Variants in TUT4 observed in about 807,000 individuals in gnomAD.
TUT4 encodes terminal uridylyl transferase 4.
TUT4 carries 36 observed loss-of-function variants against 192.2 expected under a neutral mutation model. That is an observed-to-expected ratio of 0.19 (90% CI 0.14 to 0.25). The LOEUF is 0.25. TUT4 is among the 10% of genes least tolerant of loss of function. The probability of loss-of-function intolerance (pLI) is 1.00; values close to 1 mark genes in which losing one functional copy is unlikely to be tolerated. For missense variants in TUT4, 1,493 were observed against 1,957.2 expected, an observed-to-expected ratio of 0.76 and a Z score of 4.47; for synonymous variants, 618 against 666.0, an observed-to-expected ratio of 0.93 and a Z score of 1.11.
chr1:52,459,269 G>C (rs1371619677), intron 19 of TUT4, among the ~76,000 whole-genome samples: 2 of 151,498 alleles, frequency 1.3e-5, no homozygotes, highest in Non-Finnish European at 2.9e-5. Context: ...CTGGGCGACA[G>C]AGCGAGACTC....
chr1:52,501,528 C>T (rs1674076137), intron 4 of TUT4, among the ~76,000 whole-genome samples: 1 of 152,108 alleles, frequency 6.6e-6, no homozygotes, highest in South Asian at 2.1e-4. Context: ...ACAATGATGT[C>T]ACCACTGTGG....
At chr1:52,457,617 T>C (rs1231279974) in intron 20 of TUT4, among the ~76,000 whole-genome samples, 3 of 152,338 alleles carry the variant, frequency 2.0e-5, no homozygotes, top group East Asian at 1.9e-4. Flanking sequence ...AGTCTGATGC[T>C]TGTCTCCTAA....
intron 4 of TUT4, among the ~76,000 whole-genome samples, chr1:52,508,310 G>C (rs1676172383): frequency 6.9e-6 from 1 of 144,268 alleles, no homozygotes; most frequent in African/African-American, 2.6e-5. Flanking sequence ...CTGGAAGACA[G>C]AGTGAGACTC....
rs140917757 is a variant in TUT4, at chr1:52,498,640, A to T, written c.1000-1457T>A. Among the ~76,000 whole-genome samples the T allele has an allele frequency of 8.6e-3, 1,312 of 151,692 alleles. 22 individuals are homozygous for T. The highest frequency in any genetic ancestry group is 0.03 in the African/African-American group (1,246 of 41,390). On this transcript the variant is annotated intron_variant, in intron 4 of 29. Transcript: ENST00000257177. ...AGCGGCTCACATGTGTAATCCCAAC[A>T]CTTTGGGAGGCCAAGGCAGGCGTAT...
chr1:52,542,809 T>A (rs1458464860), intron 1 of TUT4, among the ~76,000 whole-genome samples: 1 of 152,082 alleles, frequency 6.6e-6, no homozygotes, highest in Non-Finnish European at 1.5e-5. Flanking sequence ...TTGCCCAGGC[T>A]GGAGTGCAAT....
intron 20 of TUT4, among the ~76,000 whole-genome samples, chr1:52,447,477 C>CAAAAAAAAA (rs576050725): frequency 8.8e-6 from 1 of 113,356 alleles, no homozygotes. Context: ...AACAAAAAAA[C>CAAAAAAAAA]AAAAAAAAAA....
At chr1:52,489,997 T>C (rs972719103) in intron 8 of TUT4, among the ~76,000 whole-genome samples, 1 of 152,176 alleles carries the variant, frequency 6.6e-6, no homozygotes, top group Non-Finnish European at 1.5e-5. Context: ...TTTGATCTCT[T>C]AGACTTATAG....
At chr1:52,524,301 C>T (rs538304459) in intron 2 of TUT4, among the ~76,000 whole-genome samples, 1 of 152,226 alleles carries the variant, frequency 6.6e-6, no homozygotes, top group East Asian at 1.9e-4. Context: ...TTTGGGAGGC[C>T]GAGGCAGGCG....
chr1:52,431,987 C>G (rs1207687087), intron 27 of TUT4: 3 of 152,446 alleles, frequency 2.0e-5, no homozygotes, highest in Admixed American at 6.5e-5. Context: ...TTCCAGGACC[C>G]CCACAATCCT....
intron 2 of TUT4, among the ~76,000 whole-genome samples, chr1:52,520,254 C>G (rs1343513469): frequency 6.6e-6 from 1 of 152,116 alleles, no homozygotes; most frequent in Non-Finnish European, 1.5e-5. Context: ...GCTCTACTAG[C>G]CACTGTAAGA....
intron 19 of TUT4, among the ~76,000 whole-genome samples, chr1:52,458,885 A>G (rs1274547192): frequency 6.6e-6 from 1 of 152,172 alleles, no homozygotes. Flanking sequence ...AATGACTAAG[A>G]AGGTTTTTTT....
At chr1:52,518,701 C>T (rs546661330) in intron 2 of TUT4, among the ~76,000 whole-genome samples, 1 of 152,170 alleles carries the variant, frequency 6.6e-6, no homozygotes, top group East Asian at 1.9e-4. Context: ...TAAATGAAAG[C>T]CAGACACAGA....
At chr1:52,471,008 CTTTTTTTTTTTT>C (rs771331613) in intron 14 of TUT4, among the ~76,000 whole-genome samples, 1 of 82,148 alleles carries the variant, frequency 1.2e-5, no homozygotes, top group African/African-American at 6.1e-5. Flanking sequence ...GCACTCTATG[CTTTTTTTTTTTT>C]TTTTTTTTTT....
intron 3 of TUT4, among the ~76,000 whole-genome samples, chr1:52,514,364 CCA>C (rs1678122602): frequency 1.3e-5 from 2 of 152,116 alleles, no homozygotes; most frequent in African/African-American, 4.8e-5. Flanking sequence ...TTGCTTGAAC[CCA>C]GGAGGTAGAG....
intron 1 of TUT4, among the ~76,000 whole-genome samples, chr1:52,529,113 AATT>A (rs1682650132): frequency 6.6e-6 from 1 of 152,094 alleles, no homozygotes; most frequent in East Asian, 1.9e-4. Context: ...CTTCTTTCTA[AATT>A]ATTATAATGA....
At chr1:52,517,947 A>G (rs1679145274) in intron 2 of TUT4, among the ~76,000 whole-genome samples, 1 of 152,222 alleles carries the variant, frequency 6.6e-6, no homozygotes, top group South Asian at 2.1e-4. Context: ...CTGCTAACAC[A>G]AAGAATTAGA....
Position 52,525,731 on chromosome 1 carries a change from T to A in TUT4, c.550A>T (p.Ile184Phe), listed in dbSNP as rs180741095. The A allele has an allele frequency of 9.6e-5, 155 of 1,614,072 alleles. No homozygotes were observed. Among genetic ancestry groups the A allele is most frequent in the Non-Finnish European group, 1.3e-4 (152 of 1,180,004 alleles). ...TCCACAGAAGTAAAGGAGCTTGGAA[T>A]TTTTTTTCCAATCTGTTGTAATTCT... is the stretch of plus-strand genomic sequence containing the variant. ...KTELQQIGKK[I>F]PSSFTSVDKV... The change falls in exon 2 of 30, where the codon ATT (isoleucine) becomes TTT (phenylalanine). Residue 184 changes from isoleucine (I) to phenylalanine (F), a missense_variant. This residue lies in a region of TUT4 where 260 missense variants were observed against 247.8 expected (regional missense o/e 1.05). Coordinates refer to ENST00000257177, the MANE Select transcript of TUT4 (RefSeq NM_001009881.3).
At chr1:52,535,282 C>T (rs903645627) in intron 1 of TUT4, among the ~76,000 whole-genome samples, 3 of 152,066 alleles carry the variant, frequency 2.0e-5, no homozygotes, top group African/African-American at 7.2e-5. Flanking sequence ...CTTTTCTCTC[C>T]ATTTTTCCAC....
chr1:52,498,401 G>A (rs1239070798), intron 4 of TUT4, among the ~76,000 whole-genome samples: 1 of 151,680 alleles, frequency 6.6e-6, no homozygotes, highest in Non-Finnish European at 1.5e-5. Context: ...CCGCCACCTC[G>A]CCTGGCTAAT....
Sources: gnomAD v4.1 joint callset for allele counts (sites outside exome capture counted in the v4.1 genomes callset) on GRCh38, gnomAD v4.1.1 for gene constraint, gnomAD v4.1.1 regional missense constraint, MANE v1.5 for transcripts, NCBI Gene and HGNC (gene_info 2026-07-23, HGNC 2026-07-21) for gene names.